Variants in CCDC141 observed in about 807,000 individuals in gnomAD.
CCDC141 encodes the protein coiled-coil domain-containing protein 141.
A neutral mutation model predicts 181.0 loss-of-function variants in CCDC141; 168 were observed. The ratio of observed to expected loss-of-function variants is 0.93; its 90% CI spans 0.82 to 1.05. CCDC141 has a LOEUF of 1.05. Ranked by LOEUF, CCDC141 falls within the 50% of genes least tolerant of loss-of-function variation. The pLI is 0.00. For synonymous variants in CCDC141, 666 were observed against 642.3 expected (o/e 1.04, Z -0.56); for missense variants, 1,902 against 1,788.5 (o/e 1.06, Z -1.14).
At chr2:178,826,559 TTTTC>T (rs1684127949), downstream of CCDC141, among the ~76,000 whole-genome samples, 1 of 152,122 alleles carries the variant, frequency 6.6e-6, no homozygotes, top group Non-Finnish European at 1.5e-5. Context: ...GGGCCTTGTG[TTTTC>T]TTTTTTTGGA....
chr2:179,021,179 C>T (rs2042681940), intron 2 of CCDC141, among the ~76,000 whole-genome samples: 1 of 152,128 alleles, frequency 6.6e-6, no homozygotes, highest in African/African-American at 2.4e-5. Context: ...GTAGGTTGTA[C>T]CTTCCGTTGT....
chr2:178,943,451 A>G (rs79397987), intron 6 of CCDC141, among the ~76,000 whole-genome samples: 2,893 of 152,230 alleles, frequency 0.019, 86 homozygotes, highest in East Asian at 0.13. Flanking sequence ...GAAAAGATTT[A>G]AGTCTAAATA....
chr2:178,989,609 TA>T (rs1691937746), intron 2 of CCDC141, among the ~76,000 whole-genome samples: 1 of 127,340 alleles, frequency 7.9e-6, no homozygotes, highest in African/African-American at 3.7e-5. Context: ...AAAAAAAAAA[TA>T]AATAAATAAA....
At position 178,844,179 on chromosome 2, in the gene CCDC141, A is replaced by G. The variant is rs558866549; in HGVS notation, c.3474+1447T>C. On this transcript the variant is annotated intron_variant, in intron 22 of 23. Coordinates refer to ENST00000443758, the MANE Select transcript of CCDC141 (RefSeq NM_173648.4). ...TTCTTAGTAAGTGTGTCTAGTTCACAATGTAGGAAATTGTGCAGAACTAAA... is the reference window on the plus strand; with the variant it reads ...TTCTTAGTAAGTGTGTCTAGTTCACGATGTAGGAAATTGTGCAGAACTAAA... Among the ~76,000 whole-genome samples the G allele has an allele frequency of 2.0e-5, 3 of 152,310 alleles. No individual in the cohort carries two copies. In the South Asian group the frequency reaches 6.2e-4, roughly 32 times the overall value.
At chr2:179,015,249 A>C (rs1227698642) in intron 2 of CCDC141, among the ~76,000 whole-genome samples, 1 of 134,496 alleles carries the variant, frequency 7.4e-6, no homozygotes, top group Non-Finnish European at 1.6e-5. Flanking sequence ...TATCTCATAT[A>C]TATCTCATAT....
At chr2:178,847,430 C>G (rs992933665) in intron 21 of CCDC141, among the ~76,000 whole-genome samples, 1 of 152,074 alleles carries the variant, frequency 6.6e-6, no homozygotes, top group African/African-American at 2.4e-5. Context: ...ACTTGGGAGG[C>G]TGAGGTTGGA....
chr2:178,961,154 G>T, intron 5 of CCDC141, 76 bp downstream of exon 5: 1 of 1,455,916 alleles, frequency 6.9e-7, no homozygotes, highest in Admixed American at 2.2e-5. Flanking sequence ...CTGACAAACT[G>T]CCCCAGGGAA....
intron 14 of CCDC141, among the ~76,000 whole-genome samples, chr2:178,870,260 T>C (rs998145316): frequency 5.4e-5 from 6 of 111,436 alleles, no homozygotes; most frequent in African/African-American, 2.2e-4. Flanking sequence ...AAAAAGACAG[T>C]GAGAGAAAGA....
rs146679255 is a variant in CCDC141 at position 178,868,133 on chromosome 2, C to A, written c.2467G>T (p.Val823Leu). ...TGAGAGCACCGGAGGTGAATCTGCA[C>A]ATCATGGGCATCACCCAGTTCCTTC... ...QPKELGDAHD[V>L]QIHLRCSQEK... Residue 823 changes from valine to leucine, a missense_variant, in exon 16 of 24, where the codon GTG (valine) becomes TTG (leucine). Coordinates refer to ENST00000443758, the MANE Select transcript of CCDC141 (RefSeq NM_173648.4). 4.6e-5 allele frequency: 74 copies of A among 1,613,934 alleles called. No individual in the cohort carries two copies. Among genetic ancestry groups the A allele is most frequent in the Non-Finnish European group, 6.1e-5 (72 of 1,179,936 alleles).
At chr2:179,015,857 T>G (rs975147122) in intron 2 of CCDC141, among the ~76,000 whole-genome samples, 2 of 145,198 alleles carry the variant, frequency 1.4e-5, no homozygotes, top group African/African-American at 5.0e-5. Context: ...ATCTCATATA[T>G]ATCTCATATA....
chr2:178,829,296 C>A (rs921681698), downstream of CCDC141, among the ~76,000 whole-genome samples: 3 of 152,188 alleles, frequency 2.0e-5, no homozygotes, highest in Admixed American at 1.3e-4. Flanking sequence ...AAAGGAGGAT[C>A]CAATGAATCC....
chr2:178,891,580 G>T (rs550622578), intron 8 of CCDC141, among the ~76,000 whole-genome samples: 2 of 152,056 alleles, frequency 1.3e-5, no homozygotes, highest in East Asian at 3.9e-4. Flanking sequence ...TCTAAGTAAT[G>T]CAATGCCTGC....
At chr2:179,041,170 C>G (rs924089256) in intron 2 of CCDC141, among the ~76,000 whole-genome samples, 1 of 152,092 alleles carries the variant, frequency 6.6e-6, no homozygotes, top group Non-Finnish European at 1.5e-5. Flanking sequence ...CTCCTGGGTT[C>G]ACGCCATTTT....
intron 9 of CCDC141, 107 bp from the exon 10 acceptor site, chr2:178,886,978 GA>G: frequency 1.6e-6 from 1 of 644,076 alleles, no homozygotes; most frequent in Non-Finnish European, 2.3e-6. Flanking sequence ...CATTATACTT[GA>G]AATGTATTTT....
At chr2:179,041,498 T>G (rs1166203786) in intron 2 of CCDC141, among the ~76,000 whole-genome samples, 2 of 141,730 alleles carry the variant, frequency 1.4e-5, no homozygotes, top group Non-Finnish European at 3.1e-5. Context: ...TGGGTTTTTT[T>G]TTTTTTTTTT....
chr2:178,960,664 G>A (rs1188994317), intron 5 of CCDC141, among the ~76,000 whole-genome samples: 1 of 152,154 alleles, frequency 6.6e-6, no homozygotes, highest in Non-Finnish European at 1.5e-5. Flanking sequence ...CGACCCATCA[G>A]AAATGTGCCT....
At position 178,969,530 on chromosome 2, in the gene CCDC141, A is replaced by C. The variant is rs748605749; in HGVS notation, c.526+5527T>G. Among the ~76,000 whole-genome samples the C allele has an allele frequency of 3.0e-4, 45 of 152,206 alleles. 1 individual carries two copies. Among genetic ancestry groups the C allele is most frequent in the Non-Finnish European group, 5.9e-4 (40 of 68,042 alleles). ...CAGAACCAATGACAAAAAACACATGATTATCTCAATAGATGCAGAAAAGGC... is the reference window on the plus strand; with the variant it reads ...CAGAACCAATGACAAAAAACACATGCTTATCTCAATAGATGCAGAAAAGGC... On this transcript the variant is annotated intron_variant, in intron 4 of 23. Coordinates refer to ENST00000443758, the MANE Select transcript of CCDC141 (RefSeq NM_173648.4).
chr2:179,001,486 C>T (rs1340981360), intron 2 of CCDC141, among the ~76,000 whole-genome samples: 1 of 152,016 alleles, frequency 6.6e-6, no homozygotes, highest in Non-Finnish European at 1.5e-5. Flanking sequence ...CTTATGGTTG[C>T]AGCATTTGTG....
chr2:178,870,488 G>T (rs913637479), intron 14 of CCDC141, among the ~76,000 whole-genome samples: 1 of 152,088 alleles, frequency 6.6e-6, no homozygotes, highest in African/African-American at 2.4e-5. Context: ...ACATGCAAAC[G>T]TGCACACAAA....
Sources: allele counts gnomAD v4.1 joint callset (sites outside exome capture counted in the v4.1 genomes callset), GRCh38; gene constraint gnomAD v4.1.1; transcripts MANE v1.5; gene names NCBI Gene and HGNC (gene_info 2026-07-23, HGNC 2026-07-21).